Variants in CLMP observed in about 807,000 individuals in gnomAD.
The protein encoded by CLMP is CXADR like cell adhesion molecule, also known as CXADR-like membrane protein.
In CLMP, 27 loss-of-function variants were observed where a neutral mutation model predicts 45.2. The observed-to-expected ratio is 0.60, with a 90% CI of 0.44 to 0.82. The LOEUF (loss-of-function observed/expected upper bound fraction) is 0.82. CLMP is among the 40% of genes least tolerant of loss of function. The probability of loss-of-function intolerance (pLI) is 0.00; values close to 1 mark genes in which losing one functional copy is unlikely to be tolerated. For synonymous variants in CLMP, 167 were observed against 171.4 expected (o/e 0.97, Z 0.20); for missense variants, 403 against 448.4 (o/e 0.90, Z 0.91).
chr11:123,184,321 C>A (rs1861805390), intron 1 of CLMP, among the ~76,000 whole-genome samples: 1 of 152,062 alleles, frequency 6.6e-6, no homozygotes, highest in Non-Finnish European at 1.5e-5. Context: ...TCTCGAACTC[C>A]CTGACCTCAG....
At chr11:123,081,753 T>G (rs1007060494) in intron 5 of CLMP, among the ~76,000 whole-genome samples, 2 of 150,762 alleles carry the variant, frequency 1.3e-5, no homozygotes, top group African/African-American at 4.9e-5. Context: ...TTCCAGCTAC[T>G]CAGGAGGCTG....
intron 1 of CLMP, among the ~76,000 whole-genome samples, chr11:123,185,470 T>C (rs1861821309): frequency 6.6e-6 from 1 of 152,018 alleles, no homozygotes; most frequent in South Asian, 2.1e-4. Context: ...TCCTCAGGGC[T>C]TGGGAAGCTG....
intron 1 of CLMP, among the ~76,000 whole-genome samples, chr11:123,142,449 A>C (rs1290265072): frequency 6.6e-6 from 1 of 152,100 alleles, no homozygotes; most frequent in African/African-American, 2.4e-5. Flanking sequence ...TGAGCCTAAG[A>C]TCAGGGCAGT....
At chr11:123,172,366 C>T (rs986003493) in intron 1 of CLMP, among the ~76,000 whole-genome samples, 7 of 152,154 alleles carry the variant, frequency 4.6e-5, no homozygotes, top group Non-Finnish European at 1.0e-4. Flanking sequence ...CTGCCTCGAT[C>T]TCCCTAAGTG....
At chr11:123,087,235 G>T (rs568783623) in intron 2 of CLMP, among the ~76,000 whole-genome samples, 1 of 152,290 alleles carries the variant, frequency 6.6e-6, no homozygotes, top group African/African-American at 2.4e-5. Context: ...TACTCGGGAG[G>T]CTGAGGCAGG....
At chr11:123,114,873 G>T (rs115696189) in intron 1 of CLMP, among the ~76,000 whole-genome samples, 1 of 151,988 alleles carries the variant, frequency 6.6e-6, no homozygotes, top group Non-Finnish European at 1.5e-5. Flanking sequence ...GCCCAAGATC[G>T]CACAGATTAC....
intron 4 of CLMP, 134 bp from the exon 5 acceptor site, chr11:123,083,341 T>C (rs946498372): frequency 2.1e-6 from 2 of 955,050 alleles, no homozygotes; most frequent in African/African-American, 3.3e-5. Context: ...AAGATATCCT[T>C]TGGGAACATG....
intron 1 of CLMP, among the ~76,000 whole-genome samples, chr11:123,189,916 C>T (rs538412019): frequency 6.7e-6 from 1 of 149,872 alleles, no homozygotes; most frequent in Non-Finnish European, 1.5e-5. Flanking sequence ...GCAGGAGAAT[C>T]GCTTGAACTC....
chr11:123,108,125 C>T (rs1860586951), intron 1 of CLMP, among the ~76,000 whole-genome samples: 1 of 152,098 alleles, frequency 6.6e-6, no homozygotes, highest in African/African-American at 2.4e-5. Context: ...CTCCCCCTAG[C>T]CTCCCTTGTC....
intron 1 of CLMP, among the ~76,000 whole-genome samples, chr11:123,175,555 T>C (rs891621998): frequency 6.6e-6 from 1 of 152,220 alleles, no homozygotes; most frequent in Non-Finnish European, 1.5e-5. Flanking sequence ...GCTGACGGGC[T>C]CAAGAGATCC....
intron 1 of CLMP, among the ~76,000 whole-genome samples, chr11:123,115,742 G>A (rs999897079): frequency 6.6e-6 from 1 of 152,104 alleles, no homozygotes; most frequent in Non-Finnish European, 1.5e-5. Context: ...CACGAAATTT[G>A]TTGAGCTCTT....
chr11:123,120,977 T>G (rs1860808497), intron 1 of CLMP, among the ~76,000 whole-genome samples: 2 of 151,708 alleles, frequency 1.3e-5, no homozygotes, highest in Non-Finnish European at 1.5e-5. Flanking sequence ...CTACAAAAAA[T>G]TAGCTGGGCA....
chr11:123,177,436 C>A (rs563486928), intron 1 of CLMP, among the ~76,000 whole-genome samples: 1 of 152,114 alleles, frequency 6.6e-6, no homozygotes, highest in African/African-American at 2.4e-5. Flanking sequence ...AGGACCAACA[C>A]GTTTGGGTTA....
At chr11:123,097,631 ACT>A (rs1189130329) in intron 2 of CLMP, among the ~76,000 whole-genome samples, 162 bp downstream of exon 2, 1 of 152,064 alleles carries the variant, frequency 6.6e-6, no homozygotes, top group Non-Finnish European at 1.5e-5. Flanking sequence ...ACCCAGCAAT[ACT>A]CTTTCTTCTC....
At chr11:123,185,337 G>C (rs1376001270) in intron 1 of CLMP, among the ~76,000 whole-genome samples, 1 of 152,178 alleles carries the variant, frequency 6.6e-6, no homozygotes, top group Admixed American at 6.5e-5. Flanking sequence ...TTCTCTGTCT[G>C]TCTGTCTTGT....
chr11:123,190,712 C>T (rs182399632), intron 1 of CLMP, among the ~76,000 whole-genome samples: 3 of 152,288 alleles, frequency 2.0e-5, no homozygotes, highest in African/African-American at 7.2e-5. Flanking sequence ...AATGTTATGA[C>T]GCCTGCCTGA....
intron 1 of CLMP, among the ~76,000 whole-genome samples, chr11:123,105,561 G>T (rs1351919511): frequency 6.6e-6 from 1 of 151,702 alleles, no homozygotes; most frequent in East Asian, 1.9e-4. Flanking sequence ...CACGTGAATA[G>T]CTGGGATTAC....
intron 1 of CLMP, among the ~76,000 whole-genome samples, chr11:123,149,353 G>A (rs552574237): frequency 7.2e-5 from 11 of 152,296 alleles, no homozygotes; most frequent in African/African-American, 1.2e-4. Context: ...GTGATTTCCC[G>A]CAGCAGCCCT....
At chr11:123,146,555 T>C (rs1437777442) in intron 1 of CLMP, among the ~76,000 whole-genome samples, 3 of 152,148 alleles carry the variant, frequency 2.0e-5, no homozygotes, top group Admixed American at 2.0e-4. Flanking sequence ...ACTCCTCAGC[T>C]CTGTGACACA....
Sources: gnomAD v4.1 joint callset for allele counts (sites outside exome capture counted in the v4.1 genomes callset) on GRCh38, gnomAD v4.1.1 for gene constraint, MANE v1.5 for transcripts, NCBI Gene and HGNC (gene_info 2026-07-23, HGNC 2026-07-21) for gene names.